CAMP: variants seen among roughly 807,000 people sequenced by gnomAD.
CAMP encodes the protein cathelicidin antimicrobial peptide.
In CAMP, 10 loss-of-function variants were observed where a neutral mutation model predicts 12.7. The observed-to-expected ratio is 0.79, with a 90% CI of 0.49 to 1.34. The LOEUF is 1.34. Among genes scored for constraint, CAMP ranks in the 40% most tolerant of loss-of-function variants. The pLI is 0.00. For missense variants in CAMP, 205 were observed against 213.0 expected (o/e 0.96, Z 0.23); for synonymous variants, 87 against 85.2 (o/e 1.02, Z -0.12).
Position 48,223,618 on chromosome 3 carries a change from A to T in CAMP, c.107A>T (p.Lys36Met). The T allele has an allele frequency of 1.2e-6, 2 of 1,614,098 alleles. No individual in the cohort carries two copies. Among genetic ancestry groups the T allele is most frequent in the Admixed American group, 3.3e-5 (2 of 60,024 alleles). The change falls in exon 1 of 4, where the codon AAG (lysine) becomes ATG (methionine). Residue 36 changes from lysine to methionine, a missense_variant. Lys to Met is a moderately conservative substitution (Grantham distance 95). Transcript: ENST00000652295. Reference protein sequence around the residue: ...LAIIAQVLSYKEAVLRAIDGI... With the variant: ...LAIIAQVLSYMEAVLRAIDGI... ...ATCATTGCCCAGGTCCTCAGCTACAAGGAAGCTGTGCTTCGTGCTATAGAT... is the reference window on the plus strand; with the variant it reads ...ATCATTGCCCAGGTCCTCAGCTACATGGAAGCTGTGCTTCGTGCTATAGAT...
Position 48,224,481 on chromosome 3 carries a change from G to C in CAMP, c.309+20G>C. 1 of 1,568,256 alleles carries C rather than the reference G, an allele frequency of 6.4e-7. No homozygotes were observed. Among genetic ancestry groups the C allele is most frequent in the Non-Finnish European group, 8.8e-7 (1 of 1,138,236 alleles). ...GACGGGGTGAGGCTGGGGGCTGGGG[G>C]TGTTGGTGGGTGCCTCCCAAGGAGC... On this transcript the variant is annotated intron_variant, in intron 2 of 3. Coordinates refer to ENST00000652295, the MANE Select transcript of CAMP (RefSeq NM_004345.5).
At position 48,224,513 on chromosome 3, in the gene CAMP, G is replaced by C. The variant is rs1310724115; in HGVS notation, c.309+52G>C. On this transcript the variant is annotated intron_variant, in intron 2 of 3. Transcript: ENST00000652295. ...TGGGTGCCTCCCAAGGAGCTGAACA[G>C]GGGGCACCTGGGGAATATTTCCCAC... 2.0e-6 allele frequency: 3 copies of C among 1,523,690 alleles called. No homozygotes were observed. In the Admixed American group the frequency reaches 5.0e-5, roughly 25 times the overall value. 94.4% of individuals were successfully genotyped at this position (1,523,690 alleles called of 1,614,324 possible).
chr3:48,224,639 C>G lies in CAMP; in HGVS notation c.346C>G (p.Gln116Glu), dbSNP rs1228565220. The G allele has an allele frequency of 5.6e-6, 9 of 1,612,896 alleles. No homozygotes were observed. Among genetic ancestry groups the G allele is most frequent in the Non-Finnish European group, 7.6e-6 (9 of 1,179,868 alleles). Residue 116 changes from glutamine (Q) to glutamate (E), a missense_variant, in exon 3 of 4, where the codon CAG becomes GAG. By Grantham distance (29) the Gln-to-Glu change is conservative (BLOSUM62 2). Transcript: ENST00000652295. ...KRCMGTVTLN[Q>E]ARGSFDISCD... ...GTGTATGGGGACAGTGACCCTCAAC[C>G]AGGCCAGGGGCTCCTTTGACATCAG...
At chr3:48,224,779 C>G in intron 3 of CAMP, 105 bp downstream of exon 3, 1 of 896,622 alleles carries the variant, frequency 1.1e-6, no homozygotes, top group Non-Finnish European at 1.8e-6. Context: ...GAAAGCCCCT[C>G]CTACCCAGGG....
intron 1 of CAMP, among the ~76,000 whole-genome samples, chr3:48,223,946 C>A (rs1031686864): frequency 1.3e-5 from 2 of 152,176 alleles, no homozygotes; most frequent in Non-Finnish European, 2.9e-5. Context: ...TTTGGGACTT[C>A]TGCGAGCTCC....
rs748568116 is a variant in CAMP, at chr3:48,223,703, G to C, written c.192G>C (p.Arg64Ser). 1 of 1,613,572 alleles carries C rather than the reference G, an allele frequency of 6.2e-7. No individual in the cohort carries two copies. The highest frequency in any genetic ancestry group is 8.5e-7 in the Non-Finnish European group (1 of 1,179,728). Reference protein sequence around the residue: ...NLYRLLDLDPRPTMDGDPDTP... With the variant: ...NLYRLLDLDPSPTMDGDPDTP... The stretch of plus-strand genomic sequence containing the variant: ...ACCGCCTCCTGGACCTGGACCCCAG[G>C]CCCACGATGGTGAGCTTTGGGGGAC... The change falls in exon 1 of 4, where the codon AGG (arginine) becomes AGC (serine). Residue 64 changes from arginine (R) to serine (S), a missense_variant. Arg to Ser is a moderately radical substitution (Grantham distance 110). Transcript: ENST00000652295.
Position 48,224,335 on chromosome 3 carries a change from C to G in CAMP, c.202-19C>G. On this transcript the variant is annotated intron_variant, in intron 1 of 3. Transcript: ENST00000652295. ...CAGAAAATACAAGAATGGGCCTCCC[C>G]ATTTCCTCCTCTGACTAGGATGGGG... The G allele has an allele frequency of 3.2e-6, 5 of 1,540,058 alleles. No homozygotes were observed.
chr3:48,224,585 T>C lies in CAMP; in HGVS notation c.310-18T>C, dbSNP rs750936702. 1.2e-6 allele frequency: 2 copies of C among 1,608,800 alleles called. No homozygotes were observed. Among genetic ancestry groups the C allele is most frequent in the South Asian group, 2.2e-5 (2 of 90,998 alleles). On this transcript the variant is annotated intron_variant, in intron 2 of 3. Transcript: ENST00000652295. ...TGGCAAATGGTTTCAAGTTTGACCT[T>C]GAGCTTCTCCTTTCCAGCTGGTGAA...
rs1228565220 is a variant in CAMP at position 48,224,639 on chromosome 3, C to T, written c.346C>T (p.Gln116Ter). The T allele has an allele frequency of 6.2e-7, 1 of 1,612,896 alleles. No individual in the cohort carries two copies. The highest frequency in any genetic ancestry group is 1.3e-5 in the African/African-American group (1 of 74,884). The change falls in exon 3 of 4, where the codon CAG (glutamine) becomes TAG (stop). Residue 116 changes from glutamine (Q) to a stop codon, truncating the protein, a stop_gained. Transcript: ENST00000652295. LOFTEE classifies it low-confidence loss of function (END_TRUNC). ...GTGTATGGGGACAGTGACCCTCAAC[C>T]AGGCCAGGGGCTCCTTTGACATCAG... ...KRCMGTVTLN[Q>*]ARGSFDISCD... is the part of the protein sequence containing the mutation.
chr3:48,225,223 G>T, intron 3 of CAMP, 70 bp from the exon 4 acceptor site: 1 of 1,520,742 alleles, frequency 6.6e-7, no homozygotes, highest in Non-Finnish European at 9.1e-7. Flanking sequence ...GTCTAGGTGG[G>T]GAGGGGTCTT....
chr3:48,225,148 C>G (rs1422589137), intron 3 of CAMP, 145 bp from the exon 4 acceptor site: 1 of 690,680 alleles, frequency 1.4e-6, no homozygotes, highest in African/African-American at 1.8e-5. Flanking sequence ...TCACATGCTT[C>G]AAAGGTCACA....
chr3:48,223,566 C>G lies in CAMP; in HGVS notation c.55C>G (p.Leu19Val), dbSNP rs761924507. The change falls in exon 1 of 4, where the codon CTG (leucine) becomes GTG (valine). Residue 19 changes from leucine to valine, a missense_variant. Leu to Val is a conservative substitution (Grantham distance 32). Transcript: ENST00000652295. ...GGGGCGGTGGTCACTGGTGCTCCTGCTGCTGGGCCTGGTGATGCCTCTGGC... is the reference window on the plus strand; with the variant it reads ...GGGGCGGTGGTCACTGGTGCTCCTGGTGCTGGGCCTGGTGATGCCTCTGGC... ...SLGRWSLVLL[L>V]LGLVMPLAII... The G allele has an allele frequency of 5.0e-6, 8 of 1,612,302 alleles. No homozygotes were observed. In the African/African-American group the frequency reaches 1.1e-4, roughly 22 times the overall value.
Position 48,225,440 on chromosome 3 carries a change from G to C in CAMP, c.*16G>C. On this transcript the variant is annotated 3_prime_UTR_variant, in exon 4 of 4. Transcript: ENST00000652295. ...AGAGTCCTAGTGTGTGCCCTACCCT[G>C]GCTCAGGCTTCTGGGCTCTGAGAAA... is the stretch of plus-strand genomic sequence containing the variant. The C allele has an allele frequency of 6.2e-7, 1 of 1,605,546 alleles. No homozygotes were observed. The highest frequency in any genetic ancestry group is 8.5e-7 in the Non-Finnish European group (1 of 1,173,792).
rs767240220 is a variant in CAMP at position 48,224,563 on chromosome 3, C to A, written c.310-40C>A. On this transcript the variant is annotated intron_variant, in intron 2 of 3. Coordinates refer to ENST00000652295, the MANE Select transcript of CAMP (RefSeq NM_004345.5). ...CTGGGATGTGGCTGGGAGGTCATGGCAAATGGTTTCAAGTTTGACCTTGAG... is the reference window on the plus strand; with the variant it reads ...CTGGGATGTGGCTGGGAGGTCATGGAAAATGGTTTCAAGTTTGACCTTGAG... The A allele has an allele frequency of 4.4e-6, 7 of 1,585,818 alleles. No homozygotes were observed. The East Asian group carries it at 1.6e-4, about 35-fold the overall frequency.
At position 48,225,284 on chromosome 3, in the gene CAMP, C is replaced by T; in HGVS notation, c.382-9C>T. ...CAAGGAACCTGTTTCTTCCTGTACA[C>T]AACCCCAGGATAACAAGAGATTTGC... On this transcript the variant is annotated splice_polypyrimidine_tract_variant and intron_variant, in intron 3 of 3. Transcript: ENST00000652295. 4 of 1,612,702 alleles carry T rather than the reference C, an allele frequency of 2.5e-6. No individual in the cohort carries two copies. Among genetic ancestry groups the T allele is most frequent in the Non-Finnish European group, 3.4e-6 (4 of 1,179,052 alleles).
rs1182991215 is a variant in CAMP, at chr3:48,225,309, C to T, written c.398C>T (p.Ala133Val). The T allele has an allele frequency of 6.2e-7, 1 of 1,613,146 alleles. No individual in the cohort carries two copies. The highest frequency in any genetic ancestry group is 8.5e-7 in the Non-Finnish European group (1 of 1,179,398). ...CAACCCCAGGATAACAAGAGATTTG[C>T]CCTGCTGGGTGATTTCTTCCGGAAA... ...ISCDKDNKRF[A>V]LLGDFFRKSK... Residue 133 changes from alanine to valine, a missense_variant, in exon 4 of 4, where the codon GCC becomes GTC. Ala to Val is a moderately conservative substitution (Grantham distance 64, BLOSUM62 0). Transcript: ENST00000652295.
At chr3:48,224,276 C>T in intron 1 of CAMP, 78 bp from the exon 2 acceptor site, 2 of 959,990 alleles carry the variant, frequency 2.1e-6, no homozygotes. Context: ...TGTGGAAAGC[C>T]TGCCCTCTTG....
Position 48,223,658 on chromosome 3 carries a change from G to A in CAMP, c.147G>A (p.Arg49=). 1.2e-6 allele frequency: 2 copies of A among 1,614,156 alleles called. No homozygotes were observed. The highest frequency in any genetic ancestry group is 1.1e-5 in the South Asian group (1 of 91,082). The part of the protein sequence containing the change: ...VLRAIDGINQ[R]SSDANLYRLL... ...GTGCTATAGATGGCATCAACCAGCG[G>A]TCCTCGGATGCTAACCTCTACCGCC... is the stretch of plus-strand genomic sequence containing the variant. Residue 49 remains arginine, a synonymous_variant, in exon 1 of 4, where the codon CGG becomes CGA. Transcript: ENST00000652295.
At position 48,223,587 on chromosome 3, in the gene CAMP, C is replaced by G. The variant is rs1339492282; in HGVS notation, c.76C>G (p.Leu26Val). The G allele has an allele frequency of 6.2e-7, 1 of 1,613,784 alleles. No homozygotes were observed. Reference protein sequence around the residue: ...VLLLLGLVMPLAIIAQVLSYK... With the variant: ...VLLLLGLVMPVAIIAQVLSYK... ...CCTGCTGCTGGGCCTGGTGATGCCT[C>G]TGGCCATCATTGCCCAGGTCCTCAG... is the stretch of plus-strand genomic sequence containing the variant. Residue 26 changes from leucine (L) to valine (V), a missense_variant, in exon 1 of 4, where the codon CTG becomes GTG. Transcript: ENST00000652295.
Sources: allele counts gnomAD v4.1 joint callset (sites outside exome capture counted in the v4.1 genomes callset), GRCh38; gene constraint gnomAD v4.1.1; transcripts MANE v1.5; gene names NCBI Gene and HGNC (gene_info 2026-07-23, HGNC 2026-07-21).